LINGO2: variants seen among roughly 807,000 people sequenced by gnomAD.
LINGO2 encodes the protein leucine rich repeat and Ig domain containing 2, also known as leucine-rich repeat and immunoglobulin-like domain-containing nogo receptor-interacting protein 2.
LINGO2 carries 14 observed loss-of-function variants against 30.6 expected under a neutral mutation model. The observed-to-expected ratio is 0.46, with a 90% CI of 0.30 to 0.72. The LOEUF (loss-of-function observed/expected upper bound fraction) is 0.72. Among genes scored for constraint, LINGO2 ranks in the 30% least tolerant of loss-of-function variants. The pLI, the probability that LINGO2 is intolerant of heterozygous loss-of-function variation, is 0.07. For missense variants in LINGO2, 729 were observed against 751.7 expected, an observed-to-expected ratio of 0.97 and a Z score of 0.35; for synonymous variants, 317 against 288.5, an observed-to-expected ratio of 1.10 and a Z score of -1.00.
the LINGO2 span, among the ~76,000 whole-genome samples, chr9:29,133,676 A>G: frequency 6.6e-6 from 1 of 152,216 alleles, no homozygotes; most frequent in Non-Finnish European, 1.5e-5. Flanking sequence ...TGGCAACAAT[A>G]GTGAAACATT....
At chr9:28,660,677 A>G (rs1259868335) in intron 1 of LINGO2, among the ~76,000 whole-genome samples, 5 of 152,048 alleles carry the variant, frequency 3.3e-5, no homozygotes, top group African/African-American at 1.2e-4. Flanking sequence ...CTAATTCAGG[A>G]TATGTTAATT....
At chr9:28,877,743 T>G in the LINGO2 span, among the ~76,000 whole-genome samples, 2 of 152,192 alleles carry the variant, frequency 1.3e-5, no homozygotes, top group Non-Finnish European at 2.9e-5. Flanking sequence ...AGGCTCTTTT[T>G]TGGTTCCATA....
intron 3 of LINGO2, among the ~76,000 whole-genome samples, chr9:28,356,950 G>A (rs201124989): frequency 7.1e-6 from 1 of 140,828 alleles, no homozygotes; most frequent in Admixed American, 7.1e-5. Flanking sequence ...GAATTTTAAA[G>A]GGCTACACAC....
chr9:28,523,880 G>A (rs1293185849), intron 1 of LINGO2, among the ~76,000 whole-genome samples: 1 of 149,168 alleles, frequency 6.7e-6, no homozygotes, highest in Non-Finnish European at 1.5e-5. Context: ...AATCCCTACT[G>A]GAAACACAGT....
the LINGO2 span, among the ~76,000 whole-genome samples, chr9:28,849,066 T>C: frequency 6.6e-6 from 1 of 151,980 alleles, no homozygotes; most frequent in Non-Finnish European, 1.5e-5. Context: ...GGAAAACATA[T>C]TTAGGGAATT....
chr9:29,170,147 A>C, the LINGO2 span, among the ~76,000 whole-genome samples: 6 of 152,360 alleles, frequency 3.9e-5, no homozygotes, highest in East Asian at 3.9e-4. Flanking sequence ...AGACACCTGC[A>C]TTCATAAGTT....
intron 1 of LINGO2, among the ~76,000 whole-genome samples, chr9:28,583,023 T>A (rs747923098): frequency 6.6e-6 from 1 of 151,928 alleles, no homozygotes; most frequent in East Asian, 1.9e-4. Context: ...CAGAGGACAA[T>A]CATTAAATGA....
the LINGO2 span, among the ~76,000 whole-genome samples, chr9:29,122,578 T>C: frequency 6.6e-6 from 1 of 152,170 alleles, no homozygotes; most frequent in Non-Finnish European, 1.5e-5. Flanking sequence ...TGCAATCATG[T>C]AAGTTAAAAA....
intron 2 of LINGO2, among the ~76,000 whole-genome samples, chr9:28,393,418 T>C (rs1821915343): frequency 6.6e-6 from 1 of 152,256 alleles, no homozygotes; most frequent in African/African-American, 2.4e-5. Context: ...GTTATTAAGC[T>C]GGTAAACCAG....
chr9:28,389,141 C>G (rs1338750282), intron 2 of LINGO2, among the ~76,000 whole-genome samples: 1 of 152,138 alleles, frequency 6.6e-6, no homozygotes, highest in Admixed American at 6.5e-5. Flanking sequence ...TCCTTAGATG[C>G]TCACATTAAA....
At chr9:29,150,517 A>G in the LINGO2 span, among the ~76,000 whole-genome samples, 2 of 152,334 alleles carry the variant, frequency 1.3e-5, no homozygotes, top group East Asian at 3.9e-4. Context: ...CAATCCAGGT[A>G]ACCCAGTGAA....
chr9:28,209,531 C>G (rs1820520479), intron 4 of LINGO2, among the ~76,000 whole-genome samples: 1 of 151,690 alleles, frequency 6.6e-6, no homozygotes, highest in Non-Finnish European at 1.5e-5. Context: ...TGTTTTATGA[C>G]TTGTGTATTT....
At chr9:29,175,459 G>C in the LINGO2 span, among the ~76,000 whole-genome samples, 1 of 151,618 alleles carries the variant, frequency 6.6e-6, no homozygotes, top group Non-Finnish European at 1.5e-5. Flanking sequence ...ACATTAAATA[G>C]TGGCATCTCA....
intron 3 of LINGO2, among the ~76,000 whole-genome samples, chr9:28,298,605 C>A (rs909268236): frequency 6.0e-5 from 9 of 150,940 alleles, no homozygotes; most frequent in East Asian, 2.0e-4. Context: ...ATTGCTTGAA[C>A]CTGGGAGGCA....
At chr9:28,997,619 C>G in the LINGO2 span, among the ~76,000 whole-genome samples, 1 of 152,026 alleles carries the variant, frequency 6.6e-6, no homozygotes. Context: ...GTCAGGAGAT[C>G]GAGACCATCC....
At chr9:28,262,165 T>C (rs1822585942) in intron 4 of LINGO2, among the ~76,000 whole-genome samples, 1 of 151,932 alleles carries the variant, frequency 6.6e-6, no homozygotes, top group African/African-American at 2.4e-5. Flanking sequence ...AAATGGATGT[T>C]GTAATGGTAC....
At chr9:28,922,955 G>C in the LINGO2 span, among the ~76,000 whole-genome samples, 1 of 152,150 alleles carries the variant, frequency 6.6e-6, no homozygotes, top group Admixed American at 6.6e-5. Flanking sequence ...GAGGTGGAAG[G>C]AGATTTAACC....
At chr9:28,546,098 G>A (rs1002023561) in intron 1 of LINGO2, among the ~76,000 whole-genome samples, 1 of 151,878 alleles carries the variant, frequency 6.6e-6, no homozygotes, top group Admixed American at 6.6e-5. Flanking sequence ...TTGAACCAGT[G>A]GTACTCTTTA....
intron 3 of LINGO2, among the ~76,000 whole-genome samples, chr9:28,357,949 C>T (rs988811758): frequency 2.6e-5 from 4 of 151,884 alleles, no homozygotes; most frequent in African/African-American, 9.7e-5. Flanking sequence ...GTACACATTC[C>T]TGGGATAGAA....
Sources: gnomAD v4.1 joint callset for allele counts (sites outside exome capture counted in the v4.1 genomes callset) on GRCh38, gnomAD v4.1.1 for gene constraint, MANE v1.5 for transcripts, NCBI Gene and HGNC (gene_info 2026-07-23, HGNC 2026-07-21) for gene names.